The following ADGRV1 variants were observed in gnomAD, a reference collection of about 807,000 sequenced individuals.
The protein encoded by ADGRV1 is adhesion G protein-coupled receptor V1.
ADGRV1 carries 359 observed loss-of-function variants against 596.2 expected under a neutral mutation model. The ratio of observed to expected loss-of-function variants is 0.60; its 90% CI spans 0.55 to 0.66. The LOEUF (loss-of-function observed/expected upper bound fraction) is 0.66, where lower values mean the gene tolerates loss of function less well. Among genes scored for constraint, ADGRV1 ranks in the 30% least tolerant of loss-of-function variants. ADGRV1 has a pLI of 0.00. For synonymous variants in ADGRV1, 2,681 were observed against 2,679.2 expected (o/e 1.00, Z -0.02); for missense variants, 7,274 against 7,575.6 (o/e 0.96, Z 1.48).
At chr5:90,664,882 T>C (rs1456824082) in intron 21 of ADGRV1, among the ~76,000 whole-genome samples, 1 of 151,018 alleles carries the variant, frequency 6.6e-6, no homozygotes, top group Non-Finnish European at 1.5e-5. Flanking sequence ...CATGTGGTTT[T>C]TGTCTTTGGC....
At chr5:90,875,509 TTA>T (rs1281883153) in intron 83 of ADGRV1, among the ~76,000 whole-genome samples, 3 of 152,324 alleles carry the variant, frequency 2.0e-5, no homozygotes, top group African/African-American at 7.2e-5. Flanking sequence ...ACAGCCTCTG[TTA>T]TATGGCTCTT....
intron 87 of ADGRV1, among the ~76,000 whole-genome samples, chr5:91,122,343 GCATTTCCC>G (rs1312255500): frequency 6.6e-6 from 1 of 152,170 alleles, no homozygotes; most frequent in African/African-American, 2.4e-5. Context: ...TTTCACAGTG[GCATTTCCC>G]AAATGGTAAC....
chr5:90,725,909 A>G (rs1349086556), intron 48 of ADGRV1, among the ~76,000 whole-genome samples: 2 of 152,234 alleles, frequency 1.3e-5, no homozygotes, highest in Non-Finnish European at 2.9e-5. Context: ...ATTTAACTGA[A>G]TTGCAAAACA....
intron 70 of ADGRV1, among the ~76,000 whole-genome samples, chr5:90,795,673 G>T (rs925618607): frequency 6.6e-6 from 1 of 152,312 alleles, no homozygotes; most frequent in South Asian, 2.1e-4. Context: ...CTCCTCAAGT[G>T]GATCCCTGAC....
At chr5:90,942,426 A>G (rs982086857) in intron 83 of ADGRV1, among the ~76,000 whole-genome samples, 2 of 152,212 alleles carry the variant, frequency 1.3e-5, no homozygotes, top group Non-Finnish European at 2.9e-5. Flanking sequence ...AGGGAATAGT[A>G]TGAAATAGTT....
At chr5:91,148,354 A>T (rs1795731610) in intron 87 of ADGRV1, among the ~76,000 whole-genome samples, 1 of 152,130 alleles carries the variant, frequency 6.6e-6, no homozygotes, top group Non-Finnish European at 1.5e-5. Context: ...GGTATCCTAG[A>T]CCTGGTCCAG....
chr5:90,649,689 G>A (rs183457768), intron 17 of ADGRV1, among the ~76,000 whole-genome samples: 5 of 152,074 alleles, frequency 3.3e-5, no homozygotes, highest in South Asian at 2.1e-4. Flanking sequence ...GGGTTTCATC[G>A]TGTTGGCCAG....
intron 81 of ADGRV1, among the ~76,000 whole-genome samples, chr5:90,854,988 T>A (rs1416685442): frequency 6.6e-6 from 1 of 152,172 alleles, no homozygotes; most frequent in East Asian, 1.9e-4. Context: ...TAAATAGAAA[T>A]ACTCTGAAAT....
At chr5:90,626,972 G>C (rs1395916573) in intron 6 of ADGRV1, among the ~76,000 whole-genome samples, 4 of 152,138 alleles carry the variant, frequency 2.6e-5, no homozygotes, top group African/African-American at 9.7e-5. Flanking sequence ...ATTATACCTG[G>C]ACTTCATTAC....
intron 70 of ADGRV1, chr5:90,793,204 A>G (rs1760276779): frequency 6.6e-6 from 1 of 152,246 alleles, no homozygotes; most frequent in South Asian, 2.1e-4. Context: ...CAGTACAAAA[A>G]TGGAAAAAGA....
chr5:90,577,493 A>G (rs1181235933), intron 1 of ADGRV1, among the ~76,000 whole-genome samples: 5 of 152,230 alleles, frequency 3.3e-5, no homozygotes, highest in Admixed American at 1.3e-4. Context: ...TTTTGGTACC[A>G]GTACCATGCT....
At position 90,829,024 on chromosome 5, in the gene ADGRV1, C is replaced by T. The variant is rs371911273; in HGVS notation, c.16449C>T (p.Phe5483=). 3.0e-5 allele frequency: 49 copies of T among 1,611,824 alleles called. No individual in the cohort carries two copies. Among genetic ancestry groups the T allele is most frequent in the African/African-American group, 2.0e-4 (15 of 74,754 alleles). Residue 5483 remains phenylalanine (F), a synonymous_variant, in exon 77 of 90, where the codon TTC becomes TTT. Transcript: ENST00000405460. The part of the protein sequence containing the change: ...AGAAINNSAR[F]AQIKILESDE... ...CAGCAATAAACAACAGTGCCAGATTCGCACAGATTAAAATCTTAGAAAGTG... is the reference window on the plus strand; with the variant it reads ...CAGCAATAAACAACAGTGCCAGATTTGCACAGATTAAAATCTTAGAAAGTG...
intron 21 of ADGRV1, among the ~76,000 whole-genome samples, chr5:90,672,022 A>AT: frequency 6.6e-6 from 1 of 152,272 alleles, no homozygotes; most frequent in South Asian, 2.1e-4. Flanking sequence ...TTGGCACTTC[A>AT]TGCCACCCCG....
At chr5:90,932,217 T>C (rs1775313454) in intron 83 of ADGRV1, among the ~76,000 whole-genome samples, 1 of 152,174 alleles carries the variant, frequency 6.6e-6, no homozygotes, top group Non-Finnish European at 1.5e-5. Flanking sequence ...AGTGGTATGA[T>C]TTCCCAAATA....
intron 1 of ADGRV1, chr5:90,614,090 A>G (rs1763038972): frequency 4.5e-6 from 1 of 223,258 alleles, no homozygotes; most frequent in Admixed American, 5.5e-5. Flanking sequence ...TTTGGAAAGC[A>G]CTTGAATCCC....
intron 85 of ADGRV1, among the ~76,000 whole-genome samples, chr5:91,034,076 G>A (rs1027884842): frequency 2.0e-5 from 3 of 152,024 alleles, no homozygotes; most frequent in Non-Finnish European, 4.4e-5. Context: ...GTGATAACCC[G>A]ATTTTTTCTA....
At chr5:90,715,759 C>T (rs547157746) in intron 42 of ADGRV1, among the ~76,000 whole-genome samples, 1 of 152,066 alleles carries the variant, frequency 6.6e-6, no homozygotes, top group South Asian at 2.1e-4. Context: ...TCTGCCACTT[C>T]CCAGCTTGTA....
At chr5:90,944,163 T>C (rs1004059701) in intron 83 of ADGRV1, among the ~76,000 whole-genome samples, 1 of 152,186 alleles carries the variant, frequency 6.6e-6, no homozygotes, top group Non-Finnish European at 1.5e-5. Flanking sequence ...AAAAAGTATT[T>C]ATTTAGTACA....
intron 83 of ADGRV1, among the ~76,000 whole-genome samples, chr5:90,886,814 A>G (rs148508077): frequency 2.0e-5 from 3 of 152,324 alleles, no homozygotes; most frequent in South Asian, 2.1e-4. Context: ...TTTCCTTGCT[A>G]TAAGTGTATT....
Sources: gnomAD v4.1 joint callset for allele counts (sites outside exome capture counted in the v4.1 genomes callset) on GRCh38, gnomAD v4.1.1 for gene constraint, MANE v1.5 for transcripts, NCBI Gene and HGNC (gene_info 2026-07-23, HGNC 2026-07-21) for gene names.